Variants in BTAF1 observed in about 807,000 individuals in gnomAD.
The protein encoded by BTAF1 is B-TFIID TATA-box binding protein associated factor 1, also known as TATA-binding protein-associated factor 172.
In BTAF1, 38 loss-of-function variants were observed where a neutral mutation model predicts 227.1. The observed-to-expected ratio is 0.17, with a 90% CI of 0.13 to 0.22. BTAF1 has a LOEUF of 0.22. Among genes scored for constraint, BTAF1 ranks in the 10% least tolerant of loss-of-function variants. The probability of loss-of-function intolerance (pLI) is 1.00; values close to 1 mark genes in which losing one functional copy is unlikely to be tolerated. For missense variants in BTAF1, 1,598 were observed against 2,204.0 expected, an observed-to-expected ratio of 0.73 and a Z score of 5.51; for synonymous variants, 742 against 751.9, an observed-to-expected ratio of 0.99 and a Z score of 0.21.
intron 34 of BTAF1, among the ~76,000 whole-genome samples, chr10:92,019,215 A>C (rs1359307466): frequency 6.6e-6 from 1 of 152,184 alleles, no homozygotes; most frequent in Non-Finnish European, 1.5e-5. Context: ...ACCCAAACAG[A>C]AACTCTATAT....
chr10:92,019,022 TG>T (rs1850936661), intron 34 of BTAF1, 87 bp downstream of exon 34: 1 of 1,270,398 alleles, frequency 7.9e-7, no homozygotes. Flanking sequence ...AGATTACTAC[TG>T]TGTTTACCAT....
At chr10:91,996,331 C>T (rs1849146459) in intron 23 of BTAF1, 38 bp from the exon 24 acceptor site, 1 of 1,567,918 alleles carries the variant, frequency 6.4e-7, no homozygotes, top group Non-Finnish European at 8.8e-7. Context: ...AACAGTATTT[C>T]CTAATAATTC....
chr10:91,929,105 G>A (rs376190452), intron 1 of BTAF1, among the ~76,000 whole-genome samples: 133 of 152,234 alleles, frequency 8.7e-4, no homozygotes, highest in Middle Eastern at 6.8e-3. Context: ...GAGCCACTGC[G>A]CCTGGTTTAG....
chr10:91,935,441 T>G (rs768302732), intron 1 of BTAF1, among the ~76,000 whole-genome samples: 7 of 152,172 alleles, frequency 4.6e-5, no homozygotes, highest in Non-Finnish European at 8.8e-5. Flanking sequence ...TACTCTTGAC[T>G]TCTCTGAGAT....
In BTAF1 at chr10:91,951,286, G is replaced by T. The variant is rs1013769282; in HGVS notation, c.401-117G>T. 4 of 1,081,374 alleles carry T rather than the reference G, an allele frequency of 3.7e-6. No individual in the cohort carries two copies. In the East Asian group the frequency reaches 1.1e-4, roughly 29 times the overall value. The allele number at this position is 1,081,374 out of a possible 1,614,324, so 67.0% of individuals were successfully genotyped here. On this transcript the variant is annotated intron_variant, in intron 4 of 37. Transcript: ENST00000265990. The stretch of plus-strand genomic sequence containing the variant: ...AGATGATCATGAATGAATATGGTTG[G>T]TTTTATTGGCAGAAGGGATGCTTTG...
rs575827548 is a variant in BTAF1, at chr10:92,031,045, TCAAA to T, written c.*2116_*2119del. On this transcript the variant is annotated 3_prime_UTR_variant, in exon 38 of 38. Transcript: ENST00000265990. ...TTTTTCAATGTATGGGTGTGGGAAG[TCAAA>T]CAAGCATGATAGAATGTTAACTATT... is the stretch of plus-strand genomic sequence containing the variant. Among the ~76,000 whole-genome samples the T allele has an allele frequency of 1.3e-5, 2 of 152,182 alleles. No individual in the cohort carries two copies. Among genetic ancestry groups the T allele is most frequent in the African/African-American group, 2.4e-5 (1 of 41,454 alleles).
chr10:91,969,029 T>TA (rs1213385415), intron 14 of BTAF1, among the ~76,000 whole-genome samples: 88 of 148,306 alleles, frequency 5.9e-4, no homozygotes, highest in Middle Eastern at 3.4e-3. Context: ...TCTGGCTAAT[T>TA]AAAAAAAAAA....
At chr10:91,931,870 T>C (rs1221578091) in intron 1 of BTAF1, among the ~76,000 whole-genome samples, 2 of 152,200 alleles carry the variant, frequency 1.3e-5, no homozygotes, top group Admixed American at 6.5e-5. Context: ...AAAGTGGCTT[T>C]AAATCAAGAG....
At chr10:92,025,102 C>T in intron 35 of BTAF1, 135 bp downstream of exon 35, 1 of 725,926 alleles carries the variant, frequency 1.4e-6, no homozygotes, top group East Asian at 2.7e-5. Flanking sequence ...CCCAAATAAA[C>T]CCCTTTTTAA....
At chr10:91,980,354 T>A in intron 14 of BTAF1, 100 bp from the exon 15 acceptor site, 3 of 864,466 alleles carry the variant, frequency 3.5e-6, no homozygotes, top group Non-Finnish European at 5.5e-6. Context: ...CCATGCAGTC[T>A]TTTCATGGTA....
At chr10:91,966,609 T>C in intron 13 of BTAF1, 28 bp from the exon 14 acceptor site, 1 of 1,608,570 alleles carries the variant, frequency 6.2e-7, no homozygotes, top group Non-Finnish European at 8.5e-7. Context: ...TTAGAATAAG[T>C]AAGATTAATT....
chr10:91,943,200 G>A (rs1231284760), intron 4 of BTAF1, among the ~76,000 whole-genome samples: 1 of 152,088 alleles, frequency 6.6e-6, no homozygotes, highest in African/African-American at 2.4e-5. Context: ...TGTAATGCCA[G>A]CTACCCGTGA....
intron 30 of BTAF1, among the ~76,000 whole-genome samples, chr10:92,011,926 T>C (rs996471408): frequency 2.0e-5 from 3 of 152,014 alleles, no homozygotes; most frequent in Non-Finnish European, 4.4e-5. Flanking sequence ...TGGTTGCAAA[T>C]GTTCACATCT....
At chr10:92,026,860 G>C in intron 36 of BTAF1, 109 bp downstream of exon 36, 1 of 1,225,710 alleles carries the variant, frequency 8.2e-7, no homozygotes, top group South Asian at 1.5e-5. Flanking sequence ...ACATACATGT[G>C]TTATGACCTT....
chr10:91,988,689 A>G (rs1384301297), intron 19 of BTAF1, among the ~76,000 whole-genome samples: 2 of 152,246 alleles, frequency 1.3e-5, no homozygotes, highest in East Asian at 1.9e-4. Flanking sequence ...AGAATGATTC[A>G]GTTAGCAACA....
chr10:91,944,049 G>T, intron 4 of BTAF1, among the ~76,000 whole-genome samples: 1 of 152,118 alleles, frequency 6.6e-6, no homozygotes, highest in South Asian at 2.1e-4. Flanking sequence ...TACTCTGGAG[G>T]CTGAGACAGG....
intron 25 of BTAF1, among the ~76,000 whole-genome samples, chr10:92,002,866 TAAAA>T (rs1015288468): frequency 1.3e-5 from 2 of 151,806 alleles, no homozygotes. Flanking sequence ...TTTTTATTAA[TAAAA>T]AAAATGTGGC....
At chr10:91,981,890 T>A in intron 16 of BTAF1, 98 bp downstream of exon 16, 1 of 1,395,004 alleles carries the variant, frequency 7.2e-7, no homozygotes, top group Non-Finnish European at 9.5e-7. Context: ...AAGTGTGATT[T>A]AATTAACATA....
At chr10:91,999,017 G>A (rs1376192860) in intron 25 of BTAF1, among the ~76,000 whole-genome samples, 1 of 150,750 alleles carries the variant, frequency 6.6e-6, no homozygotes, top group Non-Finnish European at 1.5e-5. Flanking sequence ...GAACCAAGAT[G>A]GTGCCACTGC....
Sources: gnomAD v4.1 joint callset for allele counts (sites outside exome capture counted in the v4.1 genomes callset) on GRCh38, gnomAD v4.1.1 for gene constraint, MANE v1.5 for transcripts, NCBI Gene and HGNC (gene_info 2026-07-23, HGNC 2026-07-21) for gene names.